ASTN2: variants seen among roughly 807,000 people sequenced by gnomAD.
The protein encoded by ASTN2 is astrotactin-2.
A neutral mutation model predicts 139.8 loss-of-function variants in ASTN2; 54 were observed. The ratio of observed to expected loss-of-function variants is 0.39; its 90% CI spans 0.31 to 0.48. The LOEUF (loss-of-function observed/expected upper bound fraction) is 0.48, where lower values mean the gene tolerates loss of function less well. ASTN2 is among the 20% of genes least tolerant of loss of function. ASTN2 has a pLI of 0.95. For missense variants in ASTN2, 1,565 were observed against 1,725.1 expected, an observed-to-expected ratio of 0.91 and a Z score of 1.64; for synonymous variants, 756 against 719.5, an observed-to-expected ratio of 1.05 and a Z score of -0.81.
chr9:116,844,652 G>C (rs1832373490), intron 11 of ASTN2, among the ~76,000 whole-genome samples: 1 of 151,316 alleles, frequency 6.6e-6, no homozygotes, highest in African/African-American at 2.4e-5. Context: ...ATAGTATCTA[G>C]CACAATGGTA....
At chr9:116,651,819 C>T (rs769788390) in intron 16 of ASTN2, 26 bp from the exon 17 acceptor site, 13 of 1,604,698 alleles carry the variant, frequency 8.1e-6, no homozygotes, top group Non-Finnish European at 9.4e-6. Flanking sequence ...ACAGGAAGAG[C>T]GAAAGGTAAA....
chr9:117,370,812 G>C (rs1024643230), intron 1 of ASTN2, among the ~76,000 whole-genome samples: 1 of 152,002 alleles, frequency 6.6e-6, no homozygotes, highest in East Asian at 1.9e-4. Flanking sequence ...CTGAGATCAA[G>C]TCATCCTCCC....
At chr9:116,511,696 A>G (rs559964199) in intron 19 of ASTN2, among the ~76,000 whole-genome samples, 1 of 152,298 alleles carries the variant, frequency 6.6e-6, no homozygotes, top group Non-Finnish European at 1.5e-5. Context: ...TGATTGGTCT[A>G]TTCAGAGATT....
At chr9:116,469,815 A>T (rs1000128582) in intron 20 of ASTN2, among the ~76,000 whole-genome samples, 2 of 152,200 alleles carry the variant, frequency 1.3e-5, no homozygotes, top group African/African-American at 4.8e-5. Flanking sequence ...ATACACACAT[A>T]AATCTGTATT....
At chr9:117,350,351 C>A (rs1041642407) in intron 1 of ASTN2, among the ~76,000 whole-genome samples, 3 of 151,920 alleles carry the variant, frequency 2.0e-5, no homozygotes, top group African/African-American at 7.3e-5. Context: ...GAGTTTGAGA[C>A]CAGCCTGGCC....
chr9:116,602,508 TCTC>T (rs1854956305), intron 19 of ASTN2, among the ~76,000 whole-genome samples: 1 of 152,056 alleles, frequency 6.6e-6, no homozygotes. Flanking sequence ...AAGGAGGACA[TCTC>T]CTATATTATA....
chr9:116,460,795 A>C (rs1182541600), intron 20 of ASTN2, among the ~76,000 whole-genome samples: 1 of 152,146 alleles, frequency 6.6e-6, no homozygotes, highest in Non-Finnish European at 1.5e-5. Context: ...CTCCAGCCTT[A>C]GTTTCTTTGT....
intron 1 of ASTN2, among the ~76,000 whole-genome samples, chr9:117,376,064 CT>C (rs758010932): frequency 9.9e-5 from 15 of 152,158 alleles, no homozygotes; most frequent in Non-Finnish European, 7.3e-5. Context: ...ATCCCAAGAT[CT>C]TTAACCTAAT....
chr9:116,772,704 C>T (rs1383870196), intron 13 of ASTN2, among the ~76,000 whole-genome samples: 1 of 152,164 alleles, frequency 6.6e-6, no homozygotes, highest in Non-Finnish European at 1.5e-5. Context: ...CCCAGGACTT[C>T]CCTCCTCCTC....
chr9:116,810,728 C>CT (rs1831142010), intron 12 of ASTN2, among the ~76,000 whole-genome samples: 2 of 152,026 alleles, frequency 1.3e-5, no homozygotes, highest in Non-Finnish European at 2.9e-5. Context: ...AAAAACTATC[C>CT]TTTTTTGTTT....
chr9:116,508,814 G>C (rs1850228042), intron 19 of ASTN2, among the ~76,000 whole-genome samples: 1 of 152,108 alleles, frequency 6.6e-6, no homozygotes, highest in African/African-American at 2.4e-5. Context: ...AGGATAATTA[G>C]AGGGCAAAGA....
chr9:116,896,425 G>T (rs761508979), intron 10 of ASTN2, among the ~76,000 whole-genome samples: 1 of 152,208 alleles, frequency 6.6e-6, no homozygotes, highest in South Asian at 2.1e-4. Flanking sequence ...CGCCTCCCAG[G>T]TTCAAGCAAT....
intron 5 of ASTN2, among the ~76,000 whole-genome samples, chr9:117,051,236 A>G (rs1230963118): frequency 1.3e-5 from 2 of 149,368 alleles, no homozygotes; most frequent in East Asian, 2.0e-4. Flanking sequence ...TAAAAAAAAA[A>G]TGATGATGAT....
intron 16 of ASTN2, among the ~76,000 whole-genome samples, chr9:116,680,138 A>C (rs970090650): frequency 2.0e-5 from 3 of 152,196 alleles, no homozygotes; most frequent in African/African-American, 4.8e-5. Context: ...AAGACTCATA[A>C]AGAAGAAAAG....
intron 3 of ASTN2, among the ~76,000 whole-genome samples, chr9:117,144,840 C>T (rs1339433350): frequency 6.6e-6 from 1 of 151,598 alleles, no homozygotes. Flanking sequence ...CACCACCATG[C>T]CTATACTATA....
chr9:116,820,619 G>T lies in ASTN2; in HGVS notation c.2205C>A (p.Cys735Ter), dbSNP rs747342135. 6.2e-7 allele frequency: 1 copy of T among 1,613,026 alleles called. No individual in the cohort carries two copies. Among genetic ancestry groups the T allele is most frequent in the Non-Finnish European group, 8.5e-7 (1 of 1,179,458 alleles). ...DATSSTIFMF[C>*]GCVEEYKLAP... ...GGGCCTTGGGGACAGAGACTCACCC[G>T]CAGAACATGAAGATGGTGCTCGAAG... Residue 735 changes from cysteine to a stop codon, truncating the protein, a stop_gained and splice_region_variant, in exon 12 of 23, where the codon TGC (cysteine) becomes TGA (stop). Transcript: ENST00000313400. LOFTEE classifies it high-confidence loss of function.
chr9:117,139,805 T>C (rs1007493962), intron 4 of ASTN2, among the ~76,000 whole-genome samples: 4 of 152,234 alleles, frequency 2.6e-5, no homozygotes, highest in Admixed American at 6.5e-5. Context: ...GAGGATTCAG[T>C]GAATTGTGAC....
intron 13 of ASTN2, among the ~76,000 whole-genome samples, chr9:116,792,066 T>TA (rs1564269803): frequency 6.6e-6 from 1 of 152,170 alleles, no homozygotes; most frequent in East Asian, 1.9e-4. Context: ...GAGAAAATTT[T>TA]AAAAAATTAA....
chr9:117,153,079 C>G lies in ASTN2; in HGVS notation c.1016-11601G>C, dbSNP rs543261427. ...ACACTTCATTGCCCCTTGACTTGGG[C>G]TTGGCTGTGTGACTTGCTTTGGTGA... is the stretch of plus-strand genomic sequence containing the variant. On this transcript the variant is annotated intron_variant, in intron 3 of 22. Transcript: ENST00000313400. Among the ~76,000 whole-genome samples, 11 of 152,216 alleles carry G rather than the reference C, an allele frequency of 7.2e-5. No homozygotes were observed. In the South Asian group the frequency reaches 2.3e-3, roughly 32 times the overall value.
Sources: gnomAD v4.1 joint callset for allele counts (sites outside exome capture counted in the v4.1 genomes callset) on GRCh38, gnomAD v4.1.1 for gene constraint, MANE v1.5 for transcripts, NCBI Gene and HGNC (gene_info 2026-07-23, HGNC 2026-07-21) for gene names.